Variants in ABCA12 observed in about 807,000 individuals in gnomAD.
ABCA12 encodes ATP binding cassette subfamily A member 12.
A neutral mutation model predicts 293.5 loss-of-function variants in ABCA12; 156 were observed. The observed-to-expected ratio is 0.53, with a 90% CI of 0.47 to 0.61. The LOEUF (loss-of-function observed/expected upper bound fraction) is 0.61, where lower values mean the gene tolerates loss of function less well. Ranked by LOEUF, ABCA12 falls within the 20% of genes least tolerant of loss-of-function variation. The probability of loss-of-function intolerance (pLI) is 0.00; values close to 1 mark genes in which losing one functional copy is unlikely to be tolerated. For missense variants in ABCA12, 2,797 were observed against 3,090.2 expected, an observed-to-expected ratio of 0.91 and a Z score of 2.25; for synonymous variants, 1,063 against 1,108.0, an observed-to-expected ratio of 0.96 and a Z score of 0.81.
chr2:214,934,165 T>A lies in ABCA12; in HGVS notation c.7593A>T (p.Gly2531=), dbSNP rs781283793. ...LEYHVPVTAG[G]VANIFDLLET... ...CCAGCAGATCAAAAATGTTTGCGAC[T>A]CCTCCTGCTGTGACTGGTACATGAT... The change falls in exon 52 of 53, where the codon GGA becomes GGT. Residue 2531 remains glycine, a synonymous_variant. Transcript: ENST00000272895. The A allele has an allele frequency of 2.5e-6, 4 of 1,613,804 alleles. No homozygotes were observed. Among genetic ancestry groups the A allele is most frequent in the Non-Finnish European group, 3.4e-6 (4 of 1,179,798 alleles).
chr2:215,084,609 C>G (rs578107193), intron 2 of ABCA12, among the ~76,000 whole-genome samples: 2 of 152,154 alleles, frequency 1.3e-5, no homozygotes, highest in African/African-American at 4.8e-5. Context: ...AAGGGGGAAA[C>G]TTAGCCAGAA....
chr2:215,017,788 A>G (rs1700538697), intron 14 of ABCA12: 3 of 572,554 alleles, frequency 5.2e-6, no homozygotes, highest in Non-Finnish European at 9.0e-6. Context: ...ATGGGAAAGG[A>G]CAAGGAAAAA....
intron 2 of ABCA12, among the ~76,000 whole-genome samples, chr2:215,078,499 C>G (rs1701876048): frequency 6.6e-6 from 1 of 152,182 alleles, no homozygotes; most frequent in South Asian, 2.1e-4. Flanking sequence ...CATTTTGAAT[C>G]TTAAAAGTCC....
intron 50 of ABCA12, among the ~76,000 whole-genome samples, chr2:214,940,306 G>C (rs1404089645): frequency 1.3e-5 from 2 of 152,200 alleles, no homozygotes; most frequent in Non-Finnish European, 2.9e-5. Context: ...GCATCCCAGA[G>C]ATGAAGCCGA....
rs1169177635 is a variant in ABCA12 at position 214,958,417 on chromosome 2, T to C, written c.5977A>G (p.Ile1993Val). The C allele has an allele frequency of 2.5e-6, 4 of 1,613,888 alleles. No homozygotes were observed. Among genetic ancestry groups the C allele is most frequent in the African/African-American group, 1.3e-5 (1 of 75,004 alleles). The change falls in exon 41 of 53, where the codon ATC (isoleucine) becomes GTC (valine). Residue 1993 changes from isoleucine (I) to valine (V), a missense_variant. Coordinates refer to ENST00000272895, the MANE Select transcript of ABCA12 (RefSeq NM_173076.3). Reference sequence around the variant, plus strand: ...GTGGTGACAGAGTAGCCCATCAAGATAGACAGTGCCACTAAAATATCGATT... The same window carrying C: ...GTGGTGACAGAGTAGCCCATCAAGACAGACAGTGCCACTAAAATATCGATT... ...SLIDILVALS[I>V]LMGYSVTTAS...
chr2:214,996,001 G>A (rs542110736), intron 23 of ABCA12, among the ~76,000 whole-genome samples: 2 of 152,252 alleles, frequency 1.3e-5, no homozygotes, highest in East Asian at 3.9e-4. Context: ...TATATGGCTG[G>A]TAGAATTGGA....
chr2:214,972,888 G>GT (rs1699418511), intron 36 of ABCA12, among the ~76,000 whole-genome samples: 1 of 152,026 alleles, frequency 6.6e-6, no homozygotes, highest in African/African-American at 2.4e-5. Flanking sequence ...GAGTGCAGTG[G>GT]TACAGCCTTG....
chr2:215,089,923 G>A (rs975612415), intron 2 of ABCA12, among the ~76,000 whole-genome samples: 1 of 152,126 alleles, frequency 6.6e-6, no homozygotes, highest in Non-Finnish European at 1.5e-5. Context: ...TTTACCTCCA[G>A]TAGCAACATG....
At chr2:215,111,301 G>A (rs960882756) in intron 2 of ABCA12, among the ~76,000 whole-genome samples, 1 of 152,184 alleles carries the variant, frequency 6.6e-6, no homozygotes, top group Admixed American at 6.5e-5. Flanking sequence ...TGTTTGTGCT[G>A]TGCATATCAT....
At chr2:214,942,433 G>A (rs2209657) in intron 50 of ABCA12, among the ~76,000 whole-genome samples, 49,965 of 152,030 alleles carry the variant, frequency 0.33, 9,171 homozygotes, top group South Asian at 0.45. Context: ...TTTGATAGTA[G>A]TATGATATTT....
At chr2:215,083,654 T>C (rs1701986180) in intron 2 of ABCA12, among the ~76,000 whole-genome samples, 1 of 152,218 alleles carries the variant, frequency 6.6e-6, no homozygotes, top group South Asian at 2.1e-4. Flanking sequence ...TAATAGAATT[T>C]CTATACACTT....
chr2:214,975,790 G>A lies in ABCA12; in HGVS notation c.5376C>T (p.Phe1792=). Reference sequence around the variant, plus strand: ...GTTAACAGAAAGAAACTTACGCATAGAAGGCTGTCTGTTCGGAGGTACCAT... The same window carrying A: ...GTTAACAGAAAGAAACTTACGCATAAAAGGCTGTCTGTTCGGAGGTACCAT... ...SLYGTSEQTA[F]YANYHPSTEA... Residue 1792 remains phenylalanine, a synonymous_variant, in exon 34 of 53, where the codon TTC becomes TTT. Transcript: ENST00000272895. 6.2e-7 allele frequency: 1 copy of A among 1,614,052 alleles called. No homozygotes were observed. Among genetic ancestry groups the A allele is most frequent in the Non-Finnish European group, 8.5e-7 (1 of 1,179,962 alleles).
At position 214,978,321 on chromosome 2, in the gene ABCA12, C is replaced by T; in HGVS notation, c.5123G>A (p.Arg1708Lys). ...TATCCACATTAGATTCATACCATCT[C>T]TGTCTGTGAAATTGCTGCTGCTCAC... Reference protein sequence around the residue: ...LSVSSSNFTDRDDKILTRGER... With the variant: ...LSVSSSNFTDKDDKILTRGER... The change falls in exon 33 of 53, where the codon AGA becomes AAA. Residue 1708 changes from arginine to lysine, a missense_variant. Arg to Lys is a conservative substitution (Grantham distance 26, BLOSUM62 2). Coordinates refer to ENST00000272895, the MANE Select transcript of ABCA12 (RefSeq NM_173076.3). 1 of 1,614,006 alleles carries T rather than the reference C, an allele frequency of 6.2e-7. No individual in the cohort carries two copies. The highest frequency in any genetic ancestry group is 8.5e-7 in the Non-Finnish European group (1 of 1,179,936).
chr2:215,043,196 G>A (rs867237287), intron 7 of ABCA12, among the ~76,000 whole-genome samples: 12 of 152,048 alleles, frequency 7.9e-5, no homozygotes, highest in African/African-American at 2.9e-4. Flanking sequence ...AAATACACGT[G>A]TTGGCCATTT....
intron 52 of ABCA12, among the ~76,000 whole-genome samples, chr2:214,933,499 A>T (rs1698126322): frequency 6.6e-6 from 1 of 152,236 alleles, no homozygotes; most frequent in Non-Finnish European, 1.5e-5. Context: ...GATATAATCA[A>T]ACTTTCTATA....
rs1357426692 is a variant in ABCA12 at position 215,011,995 on chromosome 2, C to A, written c.2097G>T (p.Leu699=). ...DKMRSLKQMH[L]PRSVPLTQAM... is the part of the protein sequence containing the mutation. The stretch of plus-strand genomic sequence containing the variant: ...CCTGTGTTAATGGAACACTTCTGGG[C>A]AGATGCATTTGCTTCAGGGATCTCA... The change falls in exon 16 of 53, where the codon CTG becomes CTT. Residue 699 remains leucine, a synonymous_variant. Coordinates refer to ENST00000272895, the MANE Select transcript of ABCA12 (RefSeq NM_173076.3). 1 of 1,613,580 alleles carries A rather than the reference C, an allele frequency of 6.2e-7. No homozygotes were observed. Among genetic ancestry groups the A allele is most frequent in the Non-Finnish European group, 8.5e-7 (1 of 1,179,850 alleles).
In ABCA12 at chr2:215,054,596, G is replaced by A; in HGVS notation, c.386C>T (p.Pro129Leu). ...SSLSFQSTQV[P>L]ERRHASLATV... The stretch of plus-strand genomic sequence containing the variant: ...ACCTAGTGATGCATGCCTTCTTTCT[G>A]GAACTTGGGTGCTCTGGAATGATAA... Residue 129 changes from proline (P) to leucine (L), a missense_variant, in exon 4 of 53, where the codon CCA (proline) becomes CTA (leucine). By Grantham distance (98) the Pro-to-Leu change is moderately conservative (BLOSUM62 -3). Around this residue, in one of 3 missense-constraint regions of ABCA12, gnomAD observed 656 missense variants for 638.2 expected, o/e 1.03. Transcript: ENST00000272895. The A allele has an allele frequency of 5.0e-6, 8 of 1,611,926 alleles. No homozygotes were observed. The highest frequency in any genetic ancestry group is 6.8e-6 in the Non-Finnish European group (8 of 1,178,446).
chr2:214,994,390 G>C (rs1239711390), intron 23 of ABCA12, among the ~76,000 whole-genome samples: 1 of 152,210 alleles, frequency 6.6e-6, no homozygotes, highest in Non-Finnish European at 1.5e-5. Context: ...CTGCCTAGTA[G>C]CCAAAGTCTG....
intron 2 of ABCA12, among the ~76,000 whole-genome samples, chr2:215,099,369 A>G (rs58623485): frequency 0.063 from 9,663 of 152,244 alleles, 978 homozygotes; most frequent in African/African-American, 0.21. Flanking sequence ...GAGACACACC[A>G]AGGCAAAGCC....
Sources: gnomAD v4.1 joint callset for allele counts (sites outside exome capture counted in the v4.1 genomes callset) on GRCh38, gnomAD v4.1.1 for gene constraint, gnomAD v4.1.1 regional missense constraint, MANE v1.5 for transcripts, NCBI Gene and HGNC (gene_info 2026-07-23, HGNC 2026-07-21) for gene names.